VAMP7: variants seen among roughly 807,000 people sequenced by gnomAD.
VAMP7 encodes vesicle-associated membrane protein 7.
In VAMP7, 14 loss-of-function variants were observed where a neutral mutation model predicts 29.6. The observed-to-expected ratio is 0.47, with a 90% CI of 0.31 to 0.74. The LOEUF is 0.74. Among genes scored for constraint, VAMP7 ranks in the 30% least tolerant of loss-of-function variants. The pLI is 0.05. For missense variants in VAMP7, 223 were observed against 262.4 expected, an observed-to-expected ratio of 0.85 and a Z score of 1.04; for synonymous variants, 95 against 88.1, an observed-to-expected ratio of 1.08 and a Z score of -0.44.
intron 6 of VAMP7, among the ~76,000 whole-genome samples, chrX:155,931,461 GTGA>G (rs1380539703): frequency 7.2e-5 from 11 of 152,212 alleles, no homozygotes; most frequent in South Asian, 4.2e-4. Context: ...CTGATGGCCA[GTGA>G]TGATGAGCAT....
intron 1 of VAMP7, among the ~76,000 whole-genome samples, chrX:155,887,955 A>G (rs918704051): frequency 1.3e-5 from 2 of 149,728 alleles, no homozygotes; most frequent in Admixed American, 1.3e-4. Flanking sequence ...AAAAAAAAAG[A>G]AAAGAAACAG....
intron 5 of VAMP7, among the ~76,000 whole-genome samples, chrX:155,904,239 G>A (rs1267169178): frequency 6.6e-6 from 1 of 150,890 alleles, no homozygotes; most frequent in Non-Finnish European, 1.5e-5. Flanking sequence ...AGCTTTAGGA[G>A]ATATACCTAA....
intron 2 of VAMP7, among the ~76,000 whole-genome samples, chrX:155,892,403 G>A (rs1393750984): frequency 1.3e-5 from 2 of 152,138 alleles, no homozygotes; most frequent in South Asian, 2.1e-4. Context: ...ACGGGACTTG[G>A]AATATTCTTC....
chrX:155,893,296 A>C (rs1160619052), intron 2 of VAMP7, among the ~76,000 whole-genome samples: 2 of 152,106 alleles, frequency 1.3e-5, no homozygotes, highest in Non-Finnish European at 2.9e-5. Context: ...GTAGTCCTGG[A>C]GCTCAGGAGA....
chrX:155,929,303 G>A (rs921488247), intron 6 of VAMP7, among the ~76,000 whole-genome samples: 1 of 152,190 alleles, frequency 6.6e-6, no homozygotes, highest in African/African-American at 2.4e-5. Flanking sequence ...AGGAGAGGCA[G>A]TATCTAATTT....
intron 5 of VAMP7, among the ~76,000 whole-genome samples, chrX:155,909,017 A>G (rs2066193950): frequency 6.6e-6 from 1 of 151,960 alleles, no homozygotes; most frequent in Admixed American, 6.6e-5. Context: ...TGTAGAGACA[A>G]GGTCTTGCCA....
chrX:155,895,870 GTCAGA>G (rs1200699006), intron 3 of VAMP7, among the ~76,000 whole-genome samples, 190 bp downstream of exon 3: 5 of 152,104 alleles, frequency 3.3e-5, no homozygotes, highest in African/African-American at 9.7e-5. Flanking sequence ...TCTGCCTCCT[GTCAGA>G]TCAGCAGCAG....
rs773082406 is a variant in VAMP7 at position 155,913,987 on chromosome X, C to T, written c.434-5826C>T. On this transcript the variant is annotated intron_variant, in intron 5 of 7. Transcript: ENST00000286448. ...GGCAGTTTGGCCATATTCTTCCTATCCATGAGCATGGAATGTTTTTCCATT... is the reference window on the plus strand; with the variant it reads ...GGCAGTTTGGCCATATTCTTCCTATTCATGAGCATGGAATGTTTTTCCATT... Among the ~76,000 whole-genome samples, 5 of 151,946 alleles carry T rather than the reference C, an allele frequency of 3.3e-5. No individual in the cohort carries two copies. The East Asian group carries it at 7.7e-4, about 24-fold the overall frequency.
intron 5 of VAMP7, among the ~76,000 whole-genome samples, chrX:155,903,024 T>C (rs981175297): frequency 4.6e-5 from 7 of 151,934 alleles, no homozygotes; most frequent in African/African-American, 1.7e-4. Flanking sequence ...TGGTAAGCTA[T>C]TGATTATTGC....
At chrX:155,896,857 C>T (rs913995350) in intron 3 of VAMP7, among the ~76,000 whole-genome samples, 1 of 152,078 alleles carries the variant, frequency 6.6e-6, no homozygotes, top group Non-Finnish European at 1.5e-5. Flanking sequence ...GGGACACTCC[C>T]AGAATGTTTT....
At chrX:155,925,352 A>C (rs2066453142) in intron 6 of VAMP7, among the ~76,000 whole-genome samples, 1 of 152,216 alleles carries the variant, frequency 6.6e-6, no homozygotes, top group Non-Finnish European at 1.5e-5. Flanking sequence ...TTAAATAATA[A>C]GACTTGAAAG....
intron 1 of VAMP7, among the ~76,000 whole-genome samples, chrX:155,887,753 A>G (rs1295114441): frequency 6.6e-6 from 1 of 151,340 alleles, no homozygotes; most frequent in East Asian, 1.9e-4. Context: ...ACATGGTGAA[A>G]CCCTGTCTGT....
intron 6 of VAMP7, among the ~76,000 whole-genome samples, chrX:155,936,841 A>T (rs1489082858): frequency 2.6e-5 from 4 of 152,192 alleles, no homozygotes; most frequent in Non-Finnish European, 5.9e-5. Flanking sequence ...ATCAAAGGAA[A>T]TTTTTTAAAA....
At chrX:155,885,051 T>G (rs2065849300) in intron 1 of VAMP7, among the ~76,000 whole-genome samples, 1 of 152,206 alleles carries the variant, frequency 6.6e-6, no homozygotes, top group Admixed American at 6.5e-5. Context: ...ACCAGTATCA[T>G]TTTATTAACT....
intron 4 of VAMP7, among the ~76,000 whole-genome samples, chrX:155,899,488 C>T (rs1003274103): frequency 3.3e-5 from 5 of 151,928 alleles, no homozygotes; most frequent in Admixed American, 2.0e-4. Flanking sequence ...TAATGGAATA[C>T]TTTCACTTCT....
intron 6 of VAMP7, among the ~76,000 whole-genome samples, chrX:155,928,775 G>T (rs1230415546): frequency 8.5e-5 from 13 of 152,140 alleles, no homozygotes; most frequent in Non-Finnish European, 1.2e-4. Context: ...TTCTTTATAG[G>T]TGAACTTGTT....
chrX:155,941,879 C>T lies in VAMP7; in HGVS notation c.595-4C>T, dbSNP rs376892030. On this transcript the variant is annotated splice_polypyrimidine_tract_variant and splice_region_variant and intron_variant, in intron 7 of 7. Transcript: ENST00000286448. ...AAATAAAATTGCTCTCCTCGTCCCT[C>T]CAGGTGTTCATCTATATCATTGTTT... 6.2e-7 allele frequency: 1 copy of T among 1,613,346 alleles called. No homozygotes were observed. Among genetic ancestry groups the T allele is most frequent in the Non-Finnish European group, 8.5e-7 (1 of 1,179,678 alleles).
At chrX:155,898,041 T>C in intron 3 of VAMP7, 71 bp from the exon 4 acceptor site, 1 of 1,553,648 alleles carries the variant, frequency 6.4e-7, no homozygotes, top group Middle Eastern at 1.7e-4. Flanking sequence ...TGTTTTTTAT[T>C]GTTGTTCTTA....
At chrX:155,925,507 A>G (rs2066455049) in intron 6 of VAMP7, among the ~76,000 whole-genome samples, 1 of 152,166 alleles carries the variant, frequency 6.6e-6, no homozygotes, top group East Asian at 1.9e-4. Context: ...CAGCCTCAGG[A>G]GGTCCTGACA....
Sources: gnomAD v4.1 joint callset for allele counts (sites outside exome capture counted in the v4.1 genomes callset) on GRCh38, gnomAD v4.1.1 for gene constraint, MANE v1.5 for transcripts, NCBI Gene and HGNC (gene_info 2026-07-23, HGNC 2026-07-21) for gene names.